Variants in STK10 observed in about 807,000 individuals in gnomAD.
The protein encoded by STK10 is serine/threonine kinase 10.
A neutral mutation model predicts 113.8 loss-of-function variants in STK10; 78 were observed. The ratio of observed to expected loss-of-function variants is 0.69; its 90% confidence interval spans 0.57 to 0.83. The LOEUF is 0.83. Ranked by LOEUF, STK10 falls within the 40% of genes least tolerant of loss-of-function variation. The probability of loss-of-function intolerance (pLI) is 0.00; values close to 1 mark genes in which losing one functional copy is unlikely to be tolerated. For missense variants in STK10, 1,109 were observed against 1,280.1 expected (o/e 0.87, Z 2.04); for synonymous variants, 465 against 494.7 (o/e 0.94, Z 0.80).
At chr5:172,145,713 G>A (rs939110425) in intron 2 of STK10, among the ~76,000 whole-genome samples, 20 of 152,176 alleles carry the variant, frequency 1.3e-4, no homozygotes, top group Non-Finnish European at 2.1e-4. Flanking sequence ...AAGTAACTTC[G>A]GAGATCCAAG....
chr5:172,068,541 T>C (rs1297791294), intron 12 of STK10, among the ~76,000 whole-genome samples: 1 of 152,070 alleles, frequency 6.6e-6, no homozygotes, highest in Admixed American at 6.6e-5. Flanking sequence ...GTGACAGAAA[T>C]GGTAAATATC....
At chr5:172,121,409 G>A (rs749818750) in intron 3 of STK10, among the ~76,000 whole-genome samples, 13 of 152,004 alleles carry the variant, frequency 8.6e-5, no homozygotes, top group East Asian at 1.9e-4. Flanking sequence ...AGTGGATCAC[G>A]GCCCACTGCA....
At chr5:172,101,836 G>C (rs1185147502) in intron 7 of STK10, among the ~76,000 whole-genome samples, 1 of 152,180 alleles carries the variant, frequency 6.6e-6, no homozygotes, top group Non-Finnish European at 1.5e-5. Flanking sequence ...CATTCCAGGC[G>C]GCATGGACAG....
chr5:172,150,481 CAAA>C (rs61247858), intron 2 of STK10, among the ~76,000 whole-genome samples: 2 of 106,788 alleles, frequency 1.9e-5, no homozygotes. Context: ...AACAACACCT[CAAA>C]AAAAAAAAAA....
intron 2 of STK10, among the ~76,000 whole-genome samples, chr5:172,128,926 T>A (rs1769686481): frequency 1.3e-5 from 2 of 152,222 alleles, no homozygotes. Context: ...GTGGCTTACC[T>A]TCCAGGAGCC....
chr5:172,057,336 C>T lies in STK10; in HGVS notation c.2337+13G>A, dbSNP rs563864849. On this transcript the variant is annotated intron_variant, in intron 15 of 18. Transcript: ENST00000176763. Reference sequence around the variant, plus strand: ...GGCAGCAGATCCGAGCCCCGTGCCACCGGCAGCCTCACCTTCTCATGCTTG... The same window carrying T: ...GGCAGCAGATCCGAGCCCCGTGCCATCGGCAGCCTCACCTTCTCATGCTTG... 13 of 1,579,360 alleles carry T rather than the reference C, an allele frequency of 8.2e-6. No homozygotes were observed. In the African/African-American group the frequency reaches 1.2e-4, roughly 15 times the overall value.
chr5:172,071,438 A>G (rs1332609737), intron 12 of STK10, among the ~76,000 whole-genome samples: 1 of 151,324 alleles, frequency 6.6e-6, no homozygotes, highest in Non-Finnish European at 1.5e-5. Flanking sequence ...TCTCATTGTA[A>G]TTGAGCTCAT....
intron 13 of STK10, chr5:172,063,586 C>G (rs781280281): frequency 6.6e-6 from 1 of 152,348 alleles, no homozygotes; most frequent in Admixed American, 6.5e-5. Flanking sequence ...GGCCAATCTG[C>G]TGTCCCTCTG....
At chr5:172,112,463 C>T (rs1406632530) in intron 4 of STK10, among the ~76,000 whole-genome samples, 1 of 149,256 alleles carries the variant, frequency 6.7e-6, no homozygotes, top group African/African-American at 2.5e-5. Context: ...GCATGTCACC[C>T]AGGCTGGAGT....
chr5:172,098,079 C>A (rs2113753211), intron 7 of STK10, among the ~76,000 whole-genome samples: 1 of 152,292 alleles, frequency 6.6e-6, no homozygotes. Context: ...ATGAAATTCA[C>A]TGTTTTTACT....
In STK10 at chr5:172,043,866, G is replaced by C. The variant is rs1038713009; in HGVS notation, c.*1016C>G. ...AAGGTGGGACTCCTGAACACAGTCGGGGGGATGGGGCAGAGGCAAACAGCC... is the reference window on the plus strand; with the variant it reads ...AAGGTGGGACTCCTGAACACAGTCGCGGGGATGGGGCAGAGGCAAACAGCC... On this transcript the variant is annotated 3_prime_UTR_variant, in exon 19 of 19. Coordinates refer to ENST00000176763, the MANE Select transcript of STK10 (RefSeq NM_005990.4). 2 of 152,314 alleles carry C rather than the reference G, an allele frequency of 1.3e-5. No individual in the cohort carries two copies. Among genetic ancestry groups the C allele is most frequent in the Non-Finnish European group, 2.9e-5 (2 of 68,128 alleles). The allele number at this position is 152,314 out of a possible 1,614,324, so 9.4% of individuals were successfully genotyped here.
intron 13 of STK10, chr5:172,061,476 C>T: frequency 1.7e-6 from 1 of 580,028 alleles, no homozygotes; most frequent in Non-Finnish European, 2.8e-6. Flanking sequence ...GATCAAAGAA[C>T]AGTCTCGGTC....
chr5:172,137,436 C>A (rs1769885989), intron 2 of STK10, among the ~76,000 whole-genome samples: 1 of 151,904 alleles, frequency 6.6e-6, no homozygotes, highest in South Asian at 2.1e-4. Flanking sequence ...ACCACATTAA[C>A]ACGATGAAAG....
In STK10 at chr5:172,052,854, CA is replaced by C. The variant is rs112396360; in HGVS notation, c.2766+74del. 20 of 1,424,614 alleles carry C rather than the reference CA, an allele frequency of 1.4e-5. 1 individual carries two copies. Among genetic ancestry groups the C allele is most frequent in the African/African-American group, 7.1e-5 (5 of 70,810 alleles). 88.2% of individuals were successfully genotyped at this position (1,424,614 alleles called of 1,614,324 possible). ...AGTCCACCAAAATAAGGAGACCTAACATGTCCTGGCCAGAGGCCTGTGCATG... is the reference window on the plus strand; with the variant it reads ...AGTCCACCAAAATAAGGAGACCTAACTGTCCTGGCCAGAGGCCTGTGCATG... On this transcript the variant is annotated intron_variant, in intron 18 of 18. Coordinates refer to ENST00000176763, the MANE Select transcript of STK10 (RefSeq NM_005990.4).
chr5:172,151,051 C>T (rs992176427), intron 2 of STK10, among the ~76,000 whole-genome samples: 14 of 152,238 alleles, frequency 9.2e-5, no homozygotes, highest in Non-Finnish European at 2.9e-5. Context: ...GGCCCCGTGC[C>T]GGGGACCAAA....
At chr5:172,137,951 A>T (rs1270274146) in intron 2 of STK10, among the ~76,000 whole-genome samples, 1 of 151,708 alleles carries the variant, frequency 6.6e-6, no homozygotes, top group Admixed American at 6.6e-5. Flanking sequence ...CACAATTAAC[A>T]TCGCACTTAA....
intron 3 of STK10, among the ~76,000 whole-genome samples, chr5:172,123,364 G>A (rs959845547): frequency 6.6e-6 from 1 of 152,198 alleles, no homozygotes; most frequent in African/African-American, 2.4e-5. Flanking sequence ...AACTGCCTAG[G>A]GCTGGAGCAG....
At chr5:172,050,177 A>C (rs1167291228) in intron 18 of STK10, among the ~76,000 whole-genome samples, 1 of 152,244 alleles carries the variant, frequency 6.6e-6, no homozygotes. Context: ...TTGATGGTGC[A>C]ACACAAATGG....
intron 1 of STK10, among the ~76,000 whole-genome samples, chr5:172,164,482 G>A (rs1019888469): frequency 2.0e-5 from 3 of 152,114 alleles, no homozygotes; most frequent in Non-Finnish European, 4.4e-5. Flanking sequence ...TAAGAAAACC[G>A]ATGCTTAGAG....
Sources: gnomAD v4.1 joint callset for allele counts (sites outside exome capture counted in the v4.1 genomes callset) on GRCh38, gnomAD v4.1.1 for gene constraint, MANE v1.5 for transcripts, NCBI Gene and HGNC (gene_info 2026-07-23, HGNC 2026-07-21) for gene names.